The following TSHZ2 variants were observed in gnomAD, a reference collection of about 807,000 sequenced individuals.
The protein encoded by TSHZ2 is teashirt homolog 2.
In TSHZ2, 21 loss-of-function variants were observed where a neutral mutation model predicts 74.4. The ratio of observed to expected loss-of-function variants is 0.28; its 90% CI spans 0.20 to 0.41. TSHZ2 has a LOEUF of 0.41. Ranked by LOEUF, TSHZ2 falls within the 10% of genes least tolerant of loss-of-function variation. The pLI is 1.00. For missense variants in TSHZ2, 1,244 were observed against 1,293.5 expected (o/e 0.96, Z 0.59); for synonymous variants, 540 against 515.3 (o/e 1.05, Z -0.65).
At chr20:53,418,483 A>G (rs1031293179) in intron 2 of TSHZ2, among the ~76,000 whole-genome samples, 2 of 152,208 alleles carry the variant, frequency 1.3e-5, no homozygotes, top group Non-Finnish European at 2.9e-5. Flanking sequence ...CCTCACAATC[A>G]TGGCAGACAG....
At chr20:53,114,788 T>G (rs968012223) in intron 1 of TSHZ2, among the ~76,000 whole-genome samples, 1 of 152,132 alleles carries the variant, frequency 6.6e-6, no homozygotes, top group African/African-American at 2.4e-5. Context: ...GGCCTTCTGC[T>G]TAAATTATTT....
intron 1 of TSHZ2, among the ~76,000 whole-genome samples, chr20:52,993,826 T>C (rs574798275): frequency 6.6e-6 from 1 of 152,188 alleles, no homozygotes; most frequent in Non-Finnish European, 1.5e-5. Context: ...AATTTGTGGA[T>C]TGAGATGTTT....
chr20:53,193,238 A>G (rs1271230669), intron 1 of TSHZ2, among the ~76,000 whole-genome samples: 4 of 152,086 alleles, frequency 2.6e-5, no homozygotes, highest in African/African-American at 7.2e-5. Context: ...AGGATCTCAT[A>G]TCAACTCCTA....
intron 1 of TSHZ2, among the ~76,000 whole-genome samples, chr20:53,133,375 C>G (rs1987158640): frequency 6.6e-6 from 1 of 152,212 alleles, no homozygotes; most frequent in Non-Finnish European, 1.5e-5. Context: ...ATAAAGCACC[C>G]AGTTCGAGCC....
chr20:53,263,299 AT>A (rs2123743127), intron 2 of TSHZ2, among the ~76,000 whole-genome samples: 1 of 152,260 alleles, frequency 6.6e-6, no homozygotes, highest in African/African-American at 2.4e-5. Flanking sequence ...ATAGACACAA[AT>A]TTCCCTTAAA....
chr20:53,234,828 G>A (rs1989903773), intron 1 of TSHZ2, among the ~76,000 whole-genome samples: 1 of 152,156 alleles, frequency 6.6e-6, no homozygotes, highest in Non-Finnish European at 1.5e-5. Flanking sequence ...AAATCTGAGG[G>A]CCATGGTGAG....
chr20:53,100,160 A>G (rs1247771263), intron 1 of TSHZ2, among the ~76,000 whole-genome samples: 4 of 152,136 alleles, frequency 2.6e-5, no homozygotes, highest in African/African-American at 9.7e-5. Context: ...AACTTGCTTG[A>G]GATCCCACAG....
Position 53,255,048 on chromosome 20 carries a change from A to T in TSHZ2, c.1590A>T (p.Lys530Asn), listed in dbSNP as rs762085164. ...LENTVTTAIN[K>N]AQNGAPSWSA... Reference sequence around the variant, plus strand: ...ATACTGTCACCACAGCCATCAACAAAGCCCAAAACGGGGCCCCCAGCTGGA... The same window carrying T: ...ATACTGTCACCACAGCCATCAACAATGCCCAAAACGGGGCCCCCAGCTGGA... Residue 530 changes from lysine (K) to asparagine (N), a missense_variant, in exon 2 of 3, where the codon AAA becomes AAT. Lys to Asn is a moderately conservative substitution (Grantham distance 94, BLOSUM62 0). Around this residue, in one of 6 missense-constraint regions of TSHZ2, gnomAD observed 562 missense variants for 544.0 expected, o/e 1.03. Coordinates refer to ENST00000371497, the MANE Select transcript of TSHZ2 (RefSeq NM_173485.6). The surrounding 1 kb of genome is among the most constrained non-coding windows in gnomAD (Gnocchi z 4.1). The T allele has an allele frequency of 6.2e-7, 1 of 1,614,192 alleles. No individual in the cohort carries two copies. The highest frequency in any genetic ancestry group is 8.5e-7 in the Non-Finnish European group (1 of 1,180,030).
intron 1 of TSHZ2, among the ~76,000 whole-genome samples, chr20:53,184,126 G>A (rs534054568): frequency 6.6e-6 from 1 of 152,252 alleles, no homozygotes; most frequent in South Asian, 2.1e-4. Context: ...GTGGCCTCTT[G>A]TGGGACTGTG....
chr20:53,025,571 C>T (rs1370724266), intron 1 of TSHZ2, among the ~76,000 whole-genome samples: 1 of 152,174 alleles, frequency 6.6e-6, no homozygotes, highest in African/African-American at 2.4e-5. Context: ...ACTTCCCCGC[C>T]CCACCCCTGG....
chr20:53,309,240 A>G (rs1380339885), intron 2 of TSHZ2, among the ~76,000 whole-genome samples: 1 of 152,238 alleles, frequency 6.6e-6, no homozygotes, highest in Non-Finnish European at 1.5e-5. Context: ...CTGTCAGGTC[A>G]CACAGATTGT....
intron 2 of TSHZ2, among the ~76,000 whole-genome samples, chr20:53,436,722 T>A (rs1002404660): frequency 1.3e-5 from 2 of 151,344 alleles, no homozygotes; most frequent in African/African-American, 4.9e-5. Flanking sequence ...ATTTTTTTTT[T>A]ATAGTTTTAG....
intron 1 of TSHZ2, among the ~76,000 whole-genome samples, chr20:53,228,477 G>A (rs1203749388): frequency 6.6e-6 from 1 of 152,234 alleles, no homozygotes; most frequent in Admixed American, 6.5e-5. Flanking sequence ...TTCCAAAGCA[G>A]GGTTTCTCAA....
chr20:53,372,760 G>T (rs954260614), intron 2 of TSHZ2, among the ~76,000 whole-genome samples: 4 of 152,094 alleles, frequency 2.6e-5, no homozygotes, highest in African/African-American at 9.7e-5. Context: ...AAATGGTTTA[G>T]GGAGGAAAAA....
chr20:53,478,740 C>T (rs960555237), intron 2 of TSHZ2, among the ~76,000 whole-genome samples: 1 of 151,864 alleles, frequency 6.6e-6, no homozygotes, highest in Non-Finnish European at 1.5e-5. Flanking sequence ...GAGCAGAGGT[C>T]CTCCGCCTTT....
chr20:53,105,605 TTCTC>T (rs372302965), intron 1 of TSHZ2, among the ~76,000 whole-genome samples: 1 of 151,876 alleles, frequency 6.6e-6, no homozygotes, highest in Admixed American at 6.6e-5. Context: ...TCCCATAGAG[TTCTC>T]TCTCTTTTTT....
At chr20:53,115,614 C>CA (rs1986648060) in intron 1 of TSHZ2, among the ~76,000 whole-genome samples, 1 of 151,908 alleles carries the variant, frequency 6.6e-6, no homozygotes, top group Non-Finnish European at 1.5e-5. Flanking sequence ...GGTGGCATGA[C>CA]AAAAATAAGT....
chr20:52,979,956 C>T (rs183487683), intron 1 of TSHZ2, among the ~76,000 whole-genome samples: 2 of 152,288 alleles, frequency 1.3e-5, no homozygotes, highest in East Asian at 3.9e-4. Flanking sequence ...GAATTCTGCT[C>T]ATCTAAATGA....
intron 1 of TSHZ2, among the ~76,000 whole-genome samples, chr20:53,108,386 C>A (rs1244838620): frequency 6.6e-6 from 1 of 152,190 alleles, no homozygotes; most frequent in East Asian, 1.9e-4. Flanking sequence ...AAATGAAAGG[C>A]TTGTATTCCA....
Sources: allele counts gnomAD v4.1 joint callset (sites outside exome capture counted in the v4.1 genomes callset), GRCh38; gene constraint gnomAD v4.1.1; regional missense constraint gnomAD v4.1.1; non-coding constraint Gnocchi (gnomAD v3.1); transcripts MANE v1.5; gene names NCBI Gene and HGNC (gene_info 2026-07-23, HGNC 2026-07-21).